The following ZNF335 variants were observed in gnomAD, a reference collection of about 807,000 sequenced individuals.
ZNF335 encodes the protein zinc finger protein 335, also known as NRC-interacting factor 1.
Under a neutral mutation model 145.6 loss-of-function variants are expected in ZNF335, and 84 were observed. The observed-to-expected ratio is 0.58, with a 90% CI of 0.48 to 0.69. The LOEUF is 0.69. ZNF335 is among the 30% of genes least tolerant of loss of function. The pLI is 0.00. For synonymous variants in ZNF335, 761 were observed against 717.0 expected, an observed-to-expected ratio of 1.06 and a Z score of -0.98; for missense variants, 1,865 against 1,809.7, an observed-to-expected ratio of 1.03 and a Z score of -0.55.
intron 2 of ZNF335, among the ~76,000 whole-genome samples, chr20:45,970,508 T>G (rs2084038932): frequency 6.6e-6 from 1 of 152,228 alleles, no homozygotes; most frequent in South Asian, 2.1e-4. Flanking sequence ...TATTTACCAT[T>G]CCCACTTTAC....
intron 7 of ZNF335, 157 bp from the exon 8 acceptor site, chr20:45,964,147 G>C: frequency 3.3e-6 from 3 of 895,688 alleles, no homozygotes; most frequent in Non-Finnish European, 4.8e-6. Context: ...TGTGGTTAGA[G>C]GGCAGCATGG....
rs1219034578 is a variant in ZNF335 at position 45,950,299 on chromosome 20, G to A, written c.3407C>T (p.Pro1136Leu). The A allele has an allele frequency of 6.4e-7, 1 of 1,564,382 alleles. No individual in the cohort carries two copies. Among genetic ancestry groups the A allele is most frequent in the Non-Finnish European group, 8.7e-7 (1 of 1,153,466 alleles). ...HSPDGRKSGT[P>L]TARAPTQTPT... is the part of the protein sequence containing the mutation. ...GGTCTGGGTAGGGGCCCGGGCTGTA[G>A]GGGTTCCTGACTTCCTCCCATCAGG... The change falls in exon 22 of 28, where the codon CCT becomes CTT. Residue 1136 changes from proline to leucine, a missense_variant. Physicochemically the swap from Pro to Leu is moderately conservative, Grantham distance 98. Transcript: ENST00000322927.
chr20:45,953,758 C>G lies in ZNF335; in HGVS notation c.2633G>C (p.Gly878Ala). Residue 878 changes from glycine (G) to alanine (A), a missense_variant, in exon 18 of 28, where the codon GGG becomes GCG. Coordinates refer to ENST00000322927, the MANE Select transcript of ZNF335 (RefSeq NM_022095.4). ...TGCTGTGATGACACTGTAGCCAGTC[C>G]CACCAAATGGACCAGGTGCCAGGGT... ...QITLAPGPFG[G>A]TGYSVITAPP... 1 of 1,614,106 alleles carries G rather than the reference C, an allele frequency of 6.2e-7. No homozygotes were observed. The highest frequency in any genetic ancestry group is 8.5e-7 in the Non-Finnish European group (1 of 1,180,012).
chr20:45,957,745 C>T, intron 16 of ZNF335, 65 bp from the exon 17 acceptor site: 1 of 1,604,236 alleles, frequency 6.2e-7, no homozygotes, highest in East Asian at 2.2e-5. Context: ...CCACCCCCTC[C>T]CCATCTTCCA....
chr20:45,971,167 C>T lies in ZNF335; in HGVS notation c.201+43G>A. 2.0e-6 allele frequency: 3 copies of T among 1,475,512 alleles called. 1 individual carries two copies. The highest frequency in any genetic ancestry group is 2.0e-4 in the Middle Eastern group (1 of 5,086). The allele number at this position is 1,475,512 out of a possible 1,614,324, so 91.4% of individuals were successfully genotyped here. On this transcript the variant is annotated intron_variant, in intron 2 of 27. Coordinates refer to ENST00000322927, the MANE Select transcript of ZNF335 (RefSeq NM_022095.4). ...CTCTTGGCTGTCAGGCACTGCTGCT[C>T]GCGGTCCTTGCCTCCACCCACGCCG...
chr20:45,971,135 T>G, intron 2 of ZNF335, 75 bp downstream of exon 2: 5 of 1,445,596 alleles, frequency 3.5e-6, no homozygotes, highest in Non-Finnish European at 4.5e-6. Context: ...CAAACAAGCC[T>G]TGTTTCCTCT....
intron 16 of ZNF335, 68 bp from the exon 17 acceptor site, chr20:45,957,748 A>G: frequency 1.3e-6 from 2 of 1,598,212 alleles, no homozygotes; most frequent in Non-Finnish European, 1.7e-6. Context: ...CCCCCTCCCC[A>G]TCTTCCAGCC....
At position 45,968,287 on chromosome 20, in the gene ZNF335, T is replaced by A. The variant is rs997305819; in HGVS notation, c.518A>T (p.Asp173Val). The A allele has an allele frequency of 2.5e-6, 4 of 1,612,236 alleles. No homozygotes were observed. The highest frequency in any genetic ancestry group is 2.7e-5 in the African/African-American group (2 of 74,854). The change falls in exon 4 of 28, where the codon GAT becomes GTT. Residue 173 changes from aspartate to valine, a missense_variant and splice_region_variant. Asp to Val is a radical substitution (Grantham distance 152, BLOSUM62 -3). Transcript: ENST00000322927. ...GATTCTGGCACCTGGGGTCTTACCA[T>A]CATCTGGGCCCTGTAGGATCAGGTA... Reference protein sequence around the residue: ...TRYLILQGPDDGAPMTSPMSS... With the variant: ...TRYLILQGPDVGAPMTSPMSS...
Position 45,963,781 on chromosome 20 carries a change from G to A in ZNF335, c.1312C>T (p.Arg438Ter), listed in dbSNP as rs1282422020. 5 of 1,614,036 alleles carry A rather than the reference G, an allele frequency of 3.1e-6. No homozygotes were observed. Among genetic ancestry groups the A allele is most frequent in the African/African-American group, 1.3e-5 (1 of 74,932 alleles). ...PDEHDTLPRR[R>*]GRPSRRFLGK... ...AGGAAGCGCCTGGAAGGTCGACCTC[G>A]GCGCCGGGGCAGAGTGTCATGCTCA... Residue 438 changes from arginine to a stop codon, truncating the protein, a stop_gained, in exon 8 of 28, where the codon CGA becomes TGA. Coordinates refer to ENST00000322927, the MANE Select transcript of ZNF335 (RefSeq NM_022095.4). LOFTEE classifies it high-confidence loss of function.
In ZNF335 at chr20:45,950,523, T is replaced by C. The variant is rs766498762; in HGVS notation, c.3262A>G (p.Lys1088Glu). The C allele has an allele frequency of 2.5e-6, 4 of 1,614,044 alleles. No homozygotes were observed. Among genetic ancestry groups the C allele is most frequent in the Non-Finnish European group, 3.4e-6 (4 of 1,180,040 alleles). Reference sequence around the variant, plus strand: ...GTCAGCATGTGCCGACGCAGGTCCTTCTTGTTCTTGGAGGCAAAGCTGCAC... The same window carrying C: ...GTCAGCATGTGCCGACGCAGGTCCTCCTTGTTCTTGGAGGCAAAGCTGCAC... ...SQCSFASKNK[K>E]DLRRHMLTHT... The change falls in exon 21 of 28, where the codon AAG becomes GAG. Residue 1088 changes from lysine (K) to glutamate (E), a missense_variant. Physicochemically the swap from Lys to Glu is moderately conservative, Grantham distance 56 (BLOSUM62 1). Transcript: ENST00000322927.
intron 9 of ZNF335, among the ~76,000 whole-genome samples, chr20:45,963,173 T>C (rs565511818): frequency 2.0e-5 from 3 of 152,176 alleles, no homozygotes; most frequent in South Asian, 2.1e-4. Context: ...TTCTAACACA[T>C]GGAATCAGAT....
chr20:45,950,379 G>A lies in ZNF335; in HGVS notation c.3333-6C>T, dbSNP rs1281213218. The A allele has an allele frequency of 5.0e-6, 8 of 1,603,998 alleles. No individual in the cohort carries two copies. The Admixed American group carries it at 6.7e-5, about 13-fold the overall frequency. ...GGTGCCCGTTACGGTTGAAACTGAG[G>A]GGGATGAAAGGTGGCTCAGGTTAGC... On this transcript the variant is annotated splice_region_variant and splice_polypyrimidine_tract_variant and intron_variant, in intron 21 of 27. Transcript: ENST00000322927.
intron 2 of ZNF335, among the ~76,000 whole-genome samples, chr20:45,970,491 G>A (rs1488256704): frequency 6.6e-6 from 1 of 152,176 alleles, no homozygotes; most frequent in Non-Finnish European, 1.5e-5. Flanking sequence ...ACTCTATGAG[G>A]CAGGTATATT....
rs778802942 is a variant in ZNF335, at chr20:45,949,555, A to G, written c.3683T>C (p.Ile1228Thr). 6.2e-7 allele frequency: 1 copy of G among 1,611,892 alleles called. No homozygotes were observed. Among genetic ancestry groups the G allele is most frequent in the South Asian group, 1.1e-5 (1 of 90,926 alleles). Residue 1228 changes from isoleucine to threonine, a missense_variant, in exon 25 of 28, where the codon ATC (isoleucine) becomes ACC (threonine). Coordinates refer to ENST00000322927, the MANE Select transcript of ZNF335 (RefSeq NM_022095.4). Reference protein sequence around the residue: ...VTSDNQVQYIISQDGVQHLLP... With the variant: ...VTSDNQVQYITSQDGVQHLLP... ...CAGGTGCTGGACACCATCCTGGGAG[A>G]TGATATACTGCACCTGTTGGTGGGG...
intron 17 of ZNF335, among the ~76,000 whole-genome samples, chr20:45,955,765 A>G (rs2083717438): frequency 6.6e-6 from 1 of 151,946 alleles, no homozygotes; most frequent in African/African-American, 2.4e-5. Context: ...GGTTGCAGGG[A>G]GCCAACATCA....
Position 45,957,619 on chromosome 20 carries a change from A to G in ZNF335, c.2409T>C (p.Ser803=). Residue 803 remains serine (S), a synonymous_variant, in exon 17 of 28, where the codon AGT becomes AGC. Transcript: ENST00000322927. ...CTGTGCCCCCCAGTTCCCGCTGAGC[A>G]CTCATGTTCAGCAGAAGATCCAAGG... ...QTALDLLLNM[S]AQRELGGTAL... is the part of the protein sequence containing the mutation. 1 of 1,614,126 alleles carries G rather than the reference A, an allele frequency of 6.2e-7. No homozygotes were observed. The highest frequency in any genetic ancestry group is 8.5e-7 in the Non-Finnish European group (1 of 1,180,014).
At chr20:45,954,856 C>A (rs2083697918) in intron 17 of ZNF335, among the ~76,000 whole-genome samples, 1 of 149,670 alleles carries the variant, frequency 6.7e-6, no homozygotes, top group South Asian at 2.1e-4. Context: ...CAGCCTCAAC[C>A]TCCTGGGCTC....
rs1600515139 is a variant in ZNF335 at position 45,949,071 on chromosome 20, T to C, written c.3911A>G (p.Asp1304Gly). The C allele has an allele frequency of 1.2e-6, 2 of 1,613,686 alleles. No individual in the cohort carries two copies. Among genetic ancestry groups the C allele is most frequent in the African/African-American group, 1.3e-5 (1 of 75,068 alleles). ...GCCCTGGGCTTGGGCCATGGCAGCA[T>C]CAGCCACTGCTGCCAGGGGAGGGGA... The part of the protein sequence containing the change: ...AAHSAVTAVA[D>G]AAMAQAQGLF... Residue 1304 changes from aspartate to glycine, a missense_variant, in exon 28 of 28, where the codon GAT (aspartate) becomes GGT (glycine). Transcript: ENST00000322927.
Position 45,971,355 on chromosome 20 carries a change from G to C in ZNF335, c.56C>G (p.Pro19Arg), listed in dbSNP as rs765685636. Residue 19 changes from proline to arginine, a missense_variant, in exon 2 of 28, where the codon CCC becomes CGC. Physicochemically the swap from Pro to Arg is moderately radical, Grantham distance 103. Coordinates refer to ENST00000322927, the MANE Select transcript of ZNF335 (RefSeq NM_022095.4). ...SSDAAPGPGR[P>R]EEPSESGLGV... is the part of the protein sequence containing the mutation. ...CAGGCCGCTCTCAGAGGGCTCCTCG[G>C]GCCGGCCAGGCCCAGGGGCCGCGTC... 6.2e-7 allele frequency: 1 copy of C among 1,600,238 alleles called. No individual in the cohort carries two copies. Among genetic ancestry groups the C allele is most frequent in the Middle Eastern group, 1.7e-4 (1 of 6,060 alleles).
Sources: gnomAD v4.1 joint callset for allele counts (sites outside exome capture counted in the v4.1 genomes callset) on GRCh38, gnomAD v4.1.1 for gene constraint, MANE v1.5 for transcripts, NCBI Gene and HGNC (gene_info 2026-07-23, HGNC 2026-07-21) for gene names.